Variants in ST3GAL5 observed in about 807,000 individuals in gnomAD.
ST3GAL5 encodes the protein lactosylceramide alpha-2,3-sialyltransferase.
A neutral mutation model predicts 46.1 loss-of-function variants in ST3GAL5; 25 were observed. The ratio of observed to expected loss-of-function variants is 0.54; its 90% CI spans 0.40 to 0.76. The LOEUF (loss-of-function observed/expected upper bound fraction) is 0.76, where lower values mean the gene tolerates loss of function less well. Among genes scored for constraint, ST3GAL5 ranks in the 30% least tolerant of loss-of-function variants. The probability of loss-of-function intolerance (pLI) is 0.00; values close to 1 mark genes in which losing one functional copy is unlikely to be tolerated. For synonymous variants in ST3GAL5, 182 were observed against 192.7 expected (o/e 0.94, Z 0.46); for missense variants, 431 against 521.2 (o/e 0.83, Z 1.69).
At chr2:85,862,678 G>A (rs897576250) in intron 2 of ST3GAL5, among the ~76,000 whole-genome samples, 1 of 152,064 alleles carries the variant, frequency 6.6e-6, no homozygotes, top group Non-Finnish European at 1.5e-5. Context: ...GAACGTGGTG[G>A]GCCTCAATAA....
chr2:85,865,778 A>C (rs963385278), intron 1 of ST3GAL5: 1 of 152,284 alleles, frequency 6.6e-6, no homozygotes, highest in Non-Finnish European at 1.5e-5. Flanking sequence ...TCTGTTGCTG[A>C]GCCAGACAGT....
At chr2:85,877,471 T>C (rs1686709654) in intron 1 of ST3GAL5, among the ~76,000 whole-genome samples, 1 of 152,238 alleles carries the variant, frequency 6.6e-6, no homozygotes, top group African/African-American at 2.4e-5. Context: ...TTCTTCATGA[T>C]TAGATTCAAC....
At chr2:85,848,311 G>C in intron 3 of ST3GAL5, 107 bp from the exon 4 acceptor site, 1 of 1,609,384 alleles carries the variant, frequency 6.2e-7, no homozygotes, top group East Asian at 2.2e-5. Flanking sequence ...CTCCCGTGTT[G>C]ATTACTGTCT....
intron 6 of ST3GAL5, among the ~76,000 whole-genome samples, chr2:85,842,762 C>CT (rs765907064): frequency 4.9e-3 from 687 of 140,154 alleles, no homozygotes; most frequent in African/African-American, 0.011. Flanking sequence ...TGTTCTGTAT[C>CT]TTTTTTTTTT....
At chr2:85,844,353 C>T in intron 6 of ST3GAL5, 43 bp downstream of exon 6, 1 of 1,613,554 alleles carries the variant, frequency 6.2e-7, no homozygotes, top group Non-Finnish European at 8.5e-7. Flanking sequence ...ACACATCGCC[C>T]CTCAAACAGG....
Position 85,863,573 on chromosome 2 carries a change from T to C in ST3GAL5, c.83-88A>G, listed in dbSNP as rs1343235717. The C allele has an allele frequency of 1.4e-5, 20 of 1,415,902 alleles. No homozygotes were observed. In the East Asian group the frequency reaches 1.6e-4, roughly 11 times the overall value. The allele number at this position is 1,415,902 out of a possible 1,614,324, so 87.7% of individuals were successfully genotyped here. A position where few individuals can be genotyped will look rare whatever the true frequency, so the allele number is the denominator to read the frequency against. ...ATGGTTTTCAAAGAGCCTTTATATG[T>C]TGCATCCATACCATGGAATAGTAAC... On this transcript the variant is annotated intron_variant, in intron 1 of 6. Coordinates refer to ENST00000638572, the MANE Select transcript of ST3GAL5 (RefSeq NM_003896.4).
intron 1 of ST3GAL5, among the ~76,000 whole-genome samples, chr2:85,874,983 G>T (rs1340720406): frequency 6.6e-6 from 1 of 152,118 alleles, no homozygotes; most frequent in African/African-American, 2.4e-5. Flanking sequence ...CACCATATGT[G>T]TTTGTTGAGG....
chr2:85,852,800 A>C, intron 3 of ST3GAL5: 1 of 1,106,750 alleles, frequency 9.0e-7, no homozygotes, highest in Non-Finnish European at 1.2e-6. Context: ...GATTGATTTA[A>C]CTAGCAGCGT....
At chr2:85,842,848 G>A (rs372228080) in intron 6 of ST3GAL5, among the ~76,000 whole-genome samples, 4 of 150,148 alleles carry the variant, frequency 2.7e-5, no homozygotes, top group East Asian at 2.0e-4. Context: ...TGCAACCTCC[G>A]CCTCCCAGGT....
intron 3 of ST3GAL5, chr2:85,852,765 G>A (rs941211771): frequency 1.5e-6 from 1 of 688,958 alleles, no homozygotes; most frequent in South Asian, 1.7e-5. Context: ...ATAATCAGGA[G>A]ATCTGGAGGC....
chr2:85,848,774 G>A, intron 3 of ST3GAL5: 1 of 165,532 alleles, frequency 6.0e-6, no homozygotes, highest in African/African-American at 2.4e-5. Flanking sequence ...TGTTTCACAA[G>A]AGTTTAAATA....
intron 5 of ST3GAL5, 186 bp from the exon 6 acceptor site, chr2:85,844,740 T>C (rs1176905587): frequency 1.4e-6 from 1 of 708,820 alleles, no homozygotes; most frequent in Non-Finnish European, 2.4e-6. Flanking sequence ...AAAGTAACTC[T>C]GAAATAGCCA....
intron 3 of ST3GAL5, chr2:85,854,795 G>A (rs1683918358): frequency 6.6e-6 from 1 of 152,158 alleles, no homozygotes; most frequent in Non-Finnish European, 1.5e-5. Context: ...AAACAAGTGG[G>A]GAAGATGAAC....
chr2:85,857,090 A>G (rs945023406), intron 3 of ST3GAL5, among the ~76,000 whole-genome samples: 1 of 119,608 alleles, frequency 8.4e-6, no homozygotes. Flanking sequence ...AAAAAAAAAA[A>G]AAAAAAATAG....
At chr2:85,841,027 TA>T (rs202006559) in intron 6 of ST3GAL5, among the ~76,000 whole-genome samples, 109 of 133,988 alleles carry the variant, frequency 8.1e-4, no homozygotes, top group Non-Finnish European at 1.2e-3. Flanking sequence ...CCAGAATCAT[TA>T]AAAAAAAAAA....
chr2:85,840,590 G>T (rs768622258), intron 6 of ST3GAL5, 198 bp from the exon 7 acceptor site: 2 of 641,222 alleles, frequency 3.1e-6, no homozygotes, highest in African/African-American at 1.8e-5. Flanking sequence ...CTAAAACATG[G>T]TCTGTGATGT....
intron 1 of ST3GAL5, among the ~76,000 whole-genome samples, chr2:85,867,013 C>T (rs1163008204): frequency 6.6e-6 from 1 of 152,116 alleles, no homozygotes; most frequent in African/African-American, 2.4e-5. Context: ...TCTATTGAAA[C>T]ATCTAAAATG....
intron 1 of ST3GAL5, among the ~76,000 whole-genome samples, chr2:85,871,038 C>CTTT (rs35268429): frequency 1.5e-5 from 2 of 137,812 alleles, no homozygotes; most frequent in Non-Finnish European, 1.6e-5. Flanking sequence ...AACCATTTAT[C>CTTT]TTTTTTTTTT....
At chr2:85,846,224 G>A in intron 5 of ST3GAL5, 153 bp downstream of exon 5, 1 of 734,100 alleles carries the variant, frequency 1.4e-6, no homozygotes, top group East Asian at 2.7e-5. Context: ...AATTGCTGAG[G>A]GGTTTCTACA....
Sources: gnomAD v4.1 joint callset for allele counts (sites outside exome capture counted in the v4.1 genomes callset) on GRCh38, gnomAD v4.1.1 for gene constraint, MANE v1.5 for transcripts, NCBI Gene and HGNC (gene_info 2026-07-23, HGNC 2026-07-21) for gene names.